The following ABCB4 variants were observed in gnomAD, a reference collection of about 807,000 sequenced individuals.
The protein encoded by ABCB4 is phosphatidylcholine translocator ABCB4.
ABCB4 carries 76 observed loss-of-function variants against 145.7 expected under a neutral mutation model. The observed-to-expected ratio is 0.52, with a 90% CI of 0.43 to 0.63. The LOEUF (loss-of-function observed/expected upper bound fraction) is 0.63, where lower values mean the gene tolerates loss of function less well. Ranked by LOEUF, ABCB4 falls within the 30% of genes least tolerant of loss-of-function variation. The pLI is 0.00. For synonymous variants in ABCB4, 517 were observed against 566.8 expected (o/e 0.91, Z 1.25); for missense variants, 1,234 against 1,553.1 (o/e 0.79, Z 3.45).
At position 87,454,536 on chromosome 7, in the gene ABCB4, T is replaced by C. The variant is rs1811985541; in HGVS notation, c.343A>G (p.Arg115Gly). ...PGKILEEEMT[R>G]YAYYYSGLGA... ...AAGTAGACCATATATATGAGTTACC[T>C]AGTCATTTCTTCTTCCAGAATTTTG... Residue 115 changes from arginine (R) to glycine (G), a missense_variant and splice_region_variant, in exon 5 of 28, where the codon AGA (arginine) becomes GGA (glycine). Physicochemically the swap from Arg to Gly is moderately radical, Grantham distance 125. Coordinates refer to ENST00000649586, the MANE Select transcript of ABCB4 (RefSeq NM_000443.4). 1 of 1,606,990 alleles carries C rather than the reference T, an allele frequency of 6.2e-7. No individual in the cohort carries two copies. The highest frequency in any genetic ancestry group is 1.3e-5 in the African/African-American group (1 of 74,864).
intron 15 of ABCB4, among the ~76,000 whole-genome samples, chr7:87,430,845 G>A (rs574114259): frequency 2.0e-5 from 3 of 152,192 alleles, no homozygotes; most frequent in Admixed American, 1.3e-4. Context: ...CCTTTTAAAA[G>A]ACAAACTATT....
chr7:87,440,545 AG>A, intron 12 of ABCB4, 143 bp from the exon 13 acceptor site: 1 of 690,602 alleles, frequency 1.4e-6, no homozygotes, highest in South Asian at 2.0e-5. Flanking sequence ...GCAATATGCA[AG>A]AACAAAAATA....
chr7:87,382,466 A>G, the ABCB4 span: 1 of 1,613,858 alleles, frequency 6.2e-7, no homozygotes, highest in Non-Finnish European at 8.5e-7. Flanking sequence ...GCAAAAAGCT[A>G]ACCAAGAACA....
At chr7:87,425,040 GTT>G (rs553858190) in intron 16 of ABCB4, among the ~76,000 whole-genome samples, 2 of 145,916 alleles carry the variant, frequency 1.4e-5, no homozygotes, top group African/African-American at 5.0e-5. Context: ...GTATTTCAGG[GTT>G]TTTTTTTTTC....
At chr7:87,366,539 C>G in the ABCB4 span, among the ~76,000 whole-genome samples, 2 of 152,144 alleles carry the variant, frequency 1.3e-5, no homozygotes, top group Admixed American at 6.6e-5. Flanking sequence ...GCTCTCATTT[C>G]CTTCAGTTTA....
At chr7:87,370,445 A>T in the ABCB4 span, among the ~76,000 whole-genome samples, 1 of 152,210 alleles carries the variant, frequency 6.6e-6, no homozygotes, top group Non-Finnish European at 1.5e-5. Flanking sequence ...GGCCTCCCAA[A>T]GTGCTGGGAT....
At chr7:87,452,646 A>G (rs1401049460) in intron 6 of ABCB4, 2 of 430,244 alleles carry the variant, frequency 4.6e-6, no homozygotes, top group African/African-American at 2.0e-5. Context: ...CATTGATTCA[A>G]CCATCTTTAC....
At chr7:87,379,117 G>A in the ABCB4 span, among the ~76,000 whole-genome samples, 1 of 152,088 alleles carries the variant, frequency 6.6e-6, no homozygotes, top group African/African-American at 2.4e-5. Flanking sequence ...ACTACCCTTT[G>A]TAAGGTGGTT....
chr7:87,390,653 T>G, the ABCB4 span, among the ~76,000 whole-genome samples: 1 of 152,190 alleles, frequency 6.6e-6, no homozygotes, highest in Non-Finnish European at 1.5e-5. Context: ...TAAGAGAGTT[T>G]TATACCTAAA....
At chr7:87,465,497 C>G (rs1440259753) in intron 3 of ABCB4, among the ~76,000 whole-genome samples, 1 of 152,176 alleles carries the variant, frequency 6.6e-6, no homozygotes, top group African/African-American at 2.4e-5. Context: ...GAACAAAAGG[C>G]AGCAGAAACC....
At chr7:87,455,897 G>A (rs1812070831) in intron 4 of ABCB4, among the ~76,000 whole-genome samples, 2 of 152,120 alleles carry the variant, frequency 1.3e-5, no homozygotes, top group African/African-American at 2.4e-5. Context: ...ACTACTGTCA[G>A]GATCAATTAC....
At chr7:87,472,886 A>C (rs1280683231) in intron 2 of ABCB4, among the ~76,000 whole-genome samples, 2 of 152,214 alleles carry the variant, frequency 1.3e-5, no homozygotes, top group Non-Finnish European at 1.5e-5. Flanking sequence ...ATACATAAGA[A>C]ATGGTCGCCT....
chr7:87,443,925 G>T (rs967890473), intron 10 of ABCB4, 152 bp from the exon 11 acceptor site: 18 of 669,402 alleles, frequency 2.7e-5, no homozygotes, highest in African/African-American at 1.6e-4. Flanking sequence ...GTGTGTATAT[G>T]TATGTGTGCT....
chr7:87,411,643 A>G (rs911883950), intron 23 of ABCB4, among the ~76,000 whole-genome samples: 1 of 152,172 alleles, frequency 6.6e-6, no homozygotes, highest in East Asian at 1.9e-4. Context: ...CCTGACCAGG[A>G]TCATATGTAC....
intron 7 of ABCB4, among the ~76,000 whole-genome samples, chr7:87,450,405 T>C (rs983507950): frequency 5.3e-5 from 8 of 152,008 alleles, no homozygotes; most frequent in African/African-American, 1.9e-4. Context: ...AGTTGTAAGG[T>C]AAAATAAAAT....
At chr7:87,435,590 C>A (rs1212588842) in intron 14 of ABCB4, among the ~76,000 whole-genome samples, 1 of 152,170 alleles carries the variant, frequency 6.6e-6, no homozygotes, top group Non-Finnish European at 1.5e-5. Context: ...AAGCAACCTG[C>A]CTTAGGCAAC....
chr7:87,425,391 A>G (rs1286552623), intron 16 of ABCB4, among the ~76,000 whole-genome samples: 1 of 152,224 alleles, frequency 6.6e-6, no homozygotes, highest in African/African-American at 2.4e-5. Context: ...TATCTGACTT[A>G]TAATAATGAC....
At chr7:87,474,524 A>T (rs1170018438) in intron 2 of ABCB4, among the ~76,000 whole-genome samples, 1 of 152,228 alleles carries the variant, frequency 6.6e-6, no homozygotes, top group Non-Finnish European at 1.5e-5. Context: ...GCTTGAGGAC[A>T]AACTACAGAG....
At chr7:87,415,468 C>A (rs1197762817) in intron 21 of ABCB4, among the ~76,000 whole-genome samples, 1 of 151,874 alleles carries the variant, frequency 6.6e-6, no homozygotes, top group Non-Finnish European at 1.5e-5. Flanking sequence ...TTTAATCTTT[C>A]ATATTTAAAA....
Sources: gnomAD v4.1 joint callset for allele counts (sites outside exome capture counted in the v4.1 genomes callset) on GRCh38, gnomAD v4.1.1 for gene constraint, MANE v1.5 for transcripts, NCBI Gene and HGNC (gene_info 2026-07-23, HGNC 2026-07-21) for gene names.